CHN2: variants seen among roughly 807,000 people sequenced by gnomAD.
The protein encoded by CHN2 is chimerin 2, also known as beta-chimaerin.
CHN2 carries 35 observed loss-of-function variants against 56.3 expected under a neutral mutation model. The observed-to-expected ratio is 0.62, with a 90% confidence interval of 0.47 to 0.82. CHN2 has a LOEUF of 0.82. CHN2 is among the 40% of genes least tolerant of loss of function. The pLI is 0.00. For missense variants in CHN2, 491 were observed against 580.5 expected, an observed-to-expected ratio of 0.85 and a Z score of 1.58; for synonymous variants, 210 against 212.8, an observed-to-expected ratio of 0.99 and a Z score of 0.12.
chr7:29,217,232 A>G (rs927368766), intron 1 of CHN2, among the ~76,000 whole-genome samples: 5 of 152,232 alleles, frequency 3.3e-5, no homozygotes, highest in Admixed American at 2.6e-4. Context: ...GTGCCTTGCA[A>G]TGAGTAAACC....
At chr7:29,386,361 G>A (rs1409844356) in intron 3 of CHN2, among the ~76,000 whole-genome samples, 4 of 152,212 alleles carry the variant, frequency 2.6e-5, no homozygotes, top group Admixed American at 2.0e-4. Context: ...TCCCCTACTT[G>A]ATCCATCTCT....
rs1324833235 is a variant in CHN2, at chr7:29,362,060, T to C, written c.89-5872T>C. ...CTTGAAGAGCTTTAAAAAGAACAGATCTGGGGGCCCCTGGCCGGACTGGGA... is the reference window on the plus strand; with the variant it reads ...CTTGAAGAGCTTTAAAAAGAACAGACCTGGGGGCCCCTGGCCGGACTGGGA... On this transcript the variant is annotated intron_variant, in intron 2 of 12. Coordinates refer to ENST00000222792, the MANE Select transcript of CHN2 (RefSeq NM_004067.4). Among the ~76,000 whole-genome samples the C allele has an allele frequency of 2.6e-5, 4 of 152,252 alleles. No homozygotes were observed. The East Asian group carries it at 5.8e-4, about 22-fold the overall frequency.
intron 6 of CHN2, among the ~76,000 whole-genome samples, chr7:29,460,214 A>G (rs1785057468): frequency 6.6e-6 from 1 of 152,212 alleles, no homozygotes; most frequent in Non-Finnish European, 1.5e-5. Context: ...CCACTGCATT[A>G]TTGGCCAGAT....
intron 3 of CHN2, among the ~76,000 whole-genome samples, chr7:29,371,406 T>G (rs549940963): frequency 2.0e-5 from 3 of 152,328 alleles, no homozygotes; most frequent in Admixed American, 2.0e-4. Context: ...AATTAATATT[T>G]ATTGGGCAGC....
rs1045868262 is a variant in CHN2 at position 29,513,537 on chromosome 7, G to T, written c.*802G>T. The T allele has an allele frequency of 6.6e-6, 1 of 152,226 alleles. No homozygotes were observed. The highest frequency in any genetic ancestry group is 1.5e-5 in the Non-Finnish European group (1 of 68,050). 9.4% of individuals were successfully genotyped at this position (152,226 alleles called of 1,614,324 possible). On this transcript the variant is annotated 3_prime_UTR_variant, in exon 13 of 13. Transcript: ENST00000222792. ...TTTCGTATCATGAGTGTGTATCCCA[G>T]AAGATACAGAATGCGGTCATTTTAC...
chr7:29,327,358 A>G (rs567849998), intron 1 of CHN2, among the ~76,000 whole-genome samples: 1 of 152,208 alleles, frequency 6.6e-6, no homozygotes, highest in East Asian at 1.9e-4. Context: ...GCTAATCCCT[A>G]CAGGGGACTC....
chr7:29,504,600 G>A, intron 9 of CHN2, 144 bp from the exon 10 acceptor site: 1 of 588,046 alleles, frequency 1.7e-6, no homozygotes, highest in Non-Finnish European at 3.0e-6. Flanking sequence ...TCCAAGTTCT[G>A]ATGCAACAGT....
intron 3 of CHN2, among the ~76,000 whole-genome samples, chr7:29,392,531 CAT>C (rs1183650336): frequency 6.6e-6 from 1 of 152,166 alleles, no homozygotes; most frequent in Non-Finnish European, 1.5e-5. Context: ...AGAGTGAACA[CAT>C]ATTTAGAAGT....
intron 1 of CHN2, among the ~76,000 whole-genome samples, chr7:29,221,515 T>A (rs1467417968): frequency 6.6e-6 from 1 of 152,228 alleles, no homozygotes; most frequent in East Asian, 1.9e-4. Flanking sequence ...GCAGGTTTGT[T>A]ACATAGGTAA....
At chr7:29,467,984 A>G (rs1785675028) in intron 6 of CHN2, among the ~76,000 whole-genome samples, 1 of 152,086 alleles carries the variant, frequency 6.6e-6, no homozygotes, top group African/African-American at 2.4e-5. Context: ...CTTCTTCACA[A>G]AAGAATATCA....
chr7:29,442,778 A>G (rs1430074523), intron 6 of CHN2, among the ~76,000 whole-genome samples: 1 of 152,080 alleles, frequency 6.6e-6, no homozygotes, highest in Non-Finnish European at 1.5e-5. Context: ...AGTAAACAAT[A>G]TTGTCACTGA....
chr7:29,364,230 C>T (rs921136797), intron 2 of CHN2, among the ~76,000 whole-genome samples: 3 of 152,202 alleles, frequency 2.0e-5, no homozygotes, highest in Non-Finnish European at 4.4e-5. Flanking sequence ...CTTCTCTTCT[C>T]CCAGACTCTC....
At chr7:29,381,156 G>T (rs565478351) in intron 3 of CHN2, among the ~76,000 whole-genome samples, 1 of 152,206 alleles carries the variant, frequency 6.6e-6, no homozygotes, top group South Asian at 2.1e-4. Flanking sequence ...CTGTTTGGTC[G>T]ATCAGAAGTG....
chr7:29,249,939 G>A (rs10215106), intron 1 of CHN2, among the ~76,000 whole-genome samples: 30,697 of 152,182 alleles, frequency 0.2, 3,750 homozygotes, highest in African/African-American at 0.33. Flanking sequence ...AAAACCATAT[G>A]TAAGAATTAC....
At chr7:29,168,940 A>G (rs1013029446) in intron 2 of CHN2, among the ~76,000 whole-genome samples, 4 of 152,246 alleles carry the variant, frequency 2.6e-5, no homozygotes, top group Admixed American at 2.6e-4. Flanking sequence ...AGTAATACCC[A>G]GCCCAATGTG....
chr7:29,165,241 G>C (rs1326426804), intron 2 of CHN2, among the ~76,000 whole-genome samples: 1 of 151,936 alleles, frequency 6.6e-6, no homozygotes, highest in Non-Finnish European at 1.5e-5. Context: ...TTGATATAAA[G>C]GTCTTGCATA....
rs886236186 is a variant in CHN2 at position 29,294,994 on chromosome 7, C to A, written c.50-59631C>A. ...CTTTGCAGGATTGGTTCCCTGGACC[C>A]CCCACAGATACCAAGATCCATGGAT... On this transcript the variant is annotated intron_variant, in intron 1 of 12. Coordinates refer to ENST00000222792, the MANE Select transcript of CHN2 (RefSeq NM_004067.4). Among the ~76,000 whole-genome samples the A allele has an allele frequency of 3.3e-5, 5 of 152,188 alleles. No individual in the cohort carries two copies. In the South Asian group the frequency reaches 8.3e-4, roughly 25 times the overall value.
At chr7:29,456,451 C>G (rs73687446) in intron 6 of CHN2, among the ~76,000 whole-genome samples, 3 of 152,256 alleles carry the variant, frequency 2.0e-5, no homozygotes, top group African/African-American at 7.2e-5. Flanking sequence ...CATTCTGGAT[C>G]GAGAGCAAAT....
chr7:29,469,254 G>A (rs1182010532), intron 6 of CHN2, among the ~76,000 whole-genome samples: 1 of 152,166 alleles, frequency 6.6e-6, no homozygotes, highest in Non-Finnish European at 1.5e-5. Flanking sequence ...CCTCATCCAA[G>A]CCACTGTCTA....
Sources: allele counts gnomAD v4.1 joint callset (sites outside exome capture counted in the v4.1 genomes callset), GRCh38; gene constraint gnomAD v4.1.1; transcripts MANE v1.5; gene names NCBI Gene and HGNC (gene_info 2026-07-23, HGNC 2026-07-21).